DISC1: variants seen among roughly 807,000 people sequenced by gnomAD.
The protein encoded by DISC1 is DISC1 scaffold protein, also known as disrupted in schizophrenia 1 protein.
A neutral mutation model predicts 84.5 loss-of-function variants in DISC1; 57 were observed. The ratio of observed to expected loss-of-function variants is 0.67; its 90% CI spans 0.55 to 0.84. The LOEUF (loss-of-function observed/expected upper bound fraction) is 0.84. Ranked by LOEUF, DISC1 falls within the 40% of genes least tolerant of loss-of-function variation. DISC1 has a pLI of 0.00. For missense variants in DISC1, 1,000 were observed against 1,057.8 expected, an observed-to-expected ratio of 0.95 and a Z score of 0.76; for synonymous variants, 411 against 415.2, an observed-to-expected ratio of 0.99 and a Z score of 0.12.
Position 231,897,650 on chromosome 1 carries a change from C to T in DISC1, c.1982-61178C>T, listed in dbSNP as rs2087810938. 6.6e-6 allele frequency among the ~76,000 whole-genome samples: 1 copy of T among 152,084 alleles called. No homozygotes were observed. Among genetic ancestry groups the T allele is most frequent in the Non-Finnish European group, 1.5e-5 (1 of 68,014 alleles). Reference sequence around the variant, plus strand: ...TGTCAGTGCTCTGACACAAAGTTTCCCATCTGATTTTGAGCTGGTCACCGT... The same window carrying T: ...TGTCAGTGCTCTGACACAAAGTTTCTCATCTGATTTTGAGCTGGTCACCGT... On this transcript the variant is annotated intron_variant, in intron 9 of 12. Coordinates refer to ENST00000439617, the MANE Select transcript of DISC1 (RefSeq NM_018662.3). The surrounding 1 kb of genome is among the most constrained non-coding windows in gnomAD (Gnocchi z 4.5).
At chr1:231,683,208 A>G (rs938081963) in intron 1 of DISC1, among the ~76,000 whole-genome samples, 2 of 152,210 alleles carry the variant, frequency 1.3e-5, no homozygotes, top group Admixed American at 6.5e-5. Context: ...CAACCTCTCT[A>G]GCATCATTAA....
At position 231,867,852 on chromosome 1, in the gene DISC1, C is replaced by T. The variant is rs139707786; in HGVS notation, c.1981+49335C>T. On this transcript the variant is annotated intron_variant, in intron 9 of 12. Coordinates refer to ENST00000439617, the MANE Select transcript of DISC1 (RefSeq NM_018662.3). ...AATGAAAGGACACAGTCTTTTTAAT[C>T]CACCAAGCCTGAATCATCAGCTTGG... Among the ~76,000 whole-genome samples the T allele has an allele frequency of 2.3e-3, 343 of 152,306 alleles. 3 individuals are homozygous for T. The highest frequency in any genetic ancestry group is 7.8e-3 in the African/African-American group (325 of 41,566).
chr1:231,711,972 A>G (rs2125019352), intron 3 of DISC1, among the ~76,000 whole-genome samples: 1 of 152,290 alleles, frequency 6.6e-6, no homozygotes, highest in East Asian at 1.9e-4. Flanking sequence ...GACCTTGATG[A>G]GGGCATCATC....
intron 9 of DISC1, among the ~76,000 whole-genome samples, chr1:231,830,043 A>G: frequency 6.6e-6 from 1 of 152,300 alleles, no homozygotes; most frequent in East Asian, 1.9e-4. Context: ...CGTGCAGGTC[A>G]CAGGGGATAT....
At position 231,784,586 on chromosome 1, in the gene DISC1, C is replaced by T. The variant is rs188699020; in HGVS notation, c.1635-10656C>T. 9.2e-5 allele frequency among the ~76,000 whole-genome samples: 14 copies of T among 152,318 alleles called. 1 individual carries two copies. The East Asian group carries it at 2.5e-3, about 27-fold the overall frequency. ...AAAAATTTATGTGCCTGATTTTGGT[C>T]AGATTACTCTAAAATATTTTCTTAC... On this transcript the variant is annotated intron_variant, in intron 6 of 12. Coordinates refer to ENST00000439617, the MANE Select transcript of DISC1 (RefSeq NM_018662.3).
intron 12 of DISC1, among the ~76,000 whole-genome samples, chr1:232,035,394 G>A (rs1350141647): frequency 1.3e-5 from 2 of 152,154 alleles, no homozygotes; most frequent in African/African-American, 2.4e-5. Context: ...GCAGTGAGCC[G>A]AGATCGCACC....
intron 1 of DISC1, among the ~76,000 whole-genome samples, chr1:231,659,367 C>CT (rs2061395534): frequency 6.6e-6 from 1 of 152,062 alleles, no homozygotes; most frequent in African/African-American, 2.4e-5. Context: ...TGATTCTTCT[C>CT]TCTTTTCCTC....
chr1:231,839,859 G>C (rs2082907492), intron 9 of DISC1, among the ~76,000 whole-genome samples: 1 of 152,024 alleles, frequency 6.6e-6, no homozygotes, highest in Non-Finnish European at 1.5e-5. Context: ...GAGGTGCCAG[G>C]CTCTTTTTAA....
At chr1:231,731,475 A>G (rs1016556480) in intron 3 of DISC1, among the ~76,000 whole-genome samples, 5 of 152,202 alleles carry the variant, frequency 3.3e-5, no homozygotes, top group Non-Finnish European at 5.9e-5. Context: ...TGCCATGGCA[A>G]TGGTAAACAT....
intron 9 of DISC1, among the ~76,000 whole-genome samples, chr1:231,935,937 C>T (rs963382819): frequency 1.3e-5 from 2 of 152,178 alleles, no homozygotes; most frequent in Non-Finnish European, 2.9e-5. Context: ...CTTTTTACTG[C>T]GTCCTCCTCT....
At chr1:231,943,444 G>A (rs1444448350) in intron 9 of DISC1, among the ~76,000 whole-genome samples, 1 of 152,244 alleles carries the variant, frequency 6.6e-6, no homozygotes, top group Non-Finnish European at 1.5e-5. Context: ...GGACTCTGGA[G>A]TATAGGGGGT....
At chr1:231,805,489 G>C (rs994038142) in intron 8 of DISC1, among the ~76,000 whole-genome samples, 1 of 152,148 alleles carries the variant, frequency 6.6e-6, no homozygotes, top group Non-Finnish European at 1.5e-5. Flanking sequence ...CAGGAGGAGG[G>C]GGGTGGGGGA....
chr1:232,013,572 G>C (rs184485826), intron 11 of DISC1, among the ~76,000 whole-genome samples: 1 of 152,260 alleles, frequency 6.6e-6, no homozygotes, highest in East Asian at 1.9e-4. Context: ...GGAGGCTTCA[G>C]AAATGAAGAC....
rs776434378 is a variant in DISC1, at chr1:231,733,767, AGTG to A, written c.1118-16146_1118-16144del. On this transcript the variant is annotated intron_variant, in intron 3 of 12. Coordinates refer to ENST00000439617, the MANE Select transcript of DISC1 (RefSeq NM_018662.3). ...TGGTGGTGCCATGAGTAGTGGTGGT[AGTG>A]GTGGTGGTGGTGATTGTGGGAGTGG... Among the ~76,000 whole-genome samples the A allele has an allele frequency of 2.1e-3, 103 of 48,406 alleles. 3 individuals are homozygous for A. Among genetic ancestry groups the A allele is most frequent in the Non-Finnish European group, 3.7e-3 (72 of 19,334 alleles). 31.8% of individuals were successfully genotyped at this position (48,406 alleles called of 152,430 possible).
At chr1:231,820,863 C>T (rs1241217652) in intron 9 of DISC1, among the ~76,000 whole-genome samples, 3 of 152,164 alleles carry the variant, frequency 2.0e-5, no homozygotes, top group African/African-American at 2.4e-5. Context: ...GCAATGTGCC[C>T]CACTAAAGTG....
chr1:231,824,790 A>G (rs1211046692), intron 9 of DISC1, among the ~76,000 whole-genome samples: 1 of 152,180 alleles, frequency 6.6e-6, no homozygotes, highest in Non-Finnish European at 1.5e-5. Context: ...ATGAGTGAAT[A>G]GTCTTCAGCA....
intron 3 of DISC1, among the ~76,000 whole-genome samples, chr1:231,715,381 G>A (rs1042590526): frequency 2.0e-5 from 3 of 152,206 alleles, no homozygotes; most frequent in Admixed American, 6.5e-5. Flanking sequence ...TCCTTACAGA[G>A]TTCATTCATT....
At chr1:231,690,648 T>C (rs1051996947) in intron 1 of DISC1, among the ~76,000 whole-genome samples, 16 of 152,184 alleles carry the variant, frequency 1.1e-4, no homozygotes, top group African/African-American at 3.9e-4. Flanking sequence ...GGGGATGTCA[T>C]AAGTTTCCTC....
intron 1 of DISC1, among the ~76,000 whole-genome samples, chr1:231,660,130 A>G (rs945442699): frequency 1.3e-5 from 2 of 152,156 alleles, no homozygotes; most frequent in African/African-American, 4.8e-5. Context: ...TCATTCTTGA[A>G]GAACTTGCTT....
Sources: allele counts gnomAD v4.1 joint callset (sites outside exome capture counted in the v4.1 genomes callset), GRCh38; gene constraint gnomAD v4.1.1; non-coding constraint Gnocchi (gnomAD v3.1); transcripts MANE v1.5; gene names NCBI Gene and HGNC (gene_info 2026-07-23, HGNC 2026-07-21).